The following CNTNAP5 variants were observed in gnomAD, a reference collection of about 807,000 sequenced individuals.
CNTNAP5 encodes the protein contactin-associated protein-like 5.
Under a neutral mutation model 150.2 loss-of-function variants are expected in CNTNAP5, and 72 were observed. The ratio of observed to expected loss-of-function variants is 0.48; its 90% CI spans 0.40 to 0.58. CNTNAP5 has a LOEUF of 0.58. CNTNAP5 is among the 20% of genes least tolerant of loss of function. The pLI, the probability that CNTNAP5 is intolerant of heterozygous loss-of-function variation, is 0.00. For missense variants in CNTNAP5, 1,636 were observed against 1,626.2 expected (o/e 1.01, Z -0.10); for synonymous variants, 672 against 619.8 (o/e 1.08, Z -1.25).
At chr2:124,097,446 C>T (rs189388152) in intron 1 of CNTNAP5, among the ~76,000 whole-genome samples, 1 of 152,142 alleles carries the variant, frequency 6.6e-6, no homozygotes, top group Non-Finnish European at 1.5e-5. Flanking sequence ...CAAAGTGAAA[C>T]AGTATGCATA....
intron 14 of CNTNAP5, among the ~76,000 whole-genome samples, chr2:124,752,568 T>G (rs888819159): frequency 1.3e-5 from 2 of 152,284 alleles, no homozygotes; most frequent in Middle Eastern, 3.4e-3. Flanking sequence ...CCCGTCGGAA[T>G]TAGCTGATTT....
intron 1 of CNTNAP5, among the ~76,000 whole-genome samples, chr2:124,128,691 G>C (rs1302752780): frequency 6.6e-6 from 1 of 152,174 alleles, no homozygotes; most frequent in Non-Finnish European, 1.5e-5. Context: ...ACTGGATTAA[G>C]AAAATGTGTC....
chr2:124,554,365 T>A (rs1352893789), intron 10 of CNTNAP5, among the ~76,000 whole-genome samples: 1 of 152,012 alleles, frequency 6.6e-6, no homozygotes, highest in African/African-American at 2.4e-5. Flanking sequence ...CTTTCTTAGG[T>A]TTTTTACTAA....
At chr2:124,264,108 T>G (rs1041188389) in intron 3 of CNTNAP5, among the ~76,000 whole-genome samples, 8 of 152,054 alleles carry the variant, frequency 5.3e-5, no homozygotes, top group African/African-American at 1.7e-4. Context: ...AAGAGAATGT[T>G]TTCAATCCCT....
chr2:124,838,640 A>T (rs925677594), intron 19 of CNTNAP5, among the ~76,000 whole-genome samples: 6 of 151,822 alleles, frequency 4.0e-5, no homozygotes, highest in Admixed American at 1.3e-4. Flanking sequence ...GTCTACACAA[A>T]CCCCCTATTC....
chr2:124,566,130 A>G (rs922108675), intron 11 of CNTNAP5, among the ~76,000 whole-genome samples: 4 of 136,116 alleles, frequency 2.9e-5, no homozygotes, highest in African/African-American at 9.9e-5. Context: ...CTATAGAGAA[A>G]TGTTGCAGGA....
At chr2:124,610,003 C>T in intron 12 of CNTNAP5, 83 bp downstream of exon 12, 1 of 1,442,632 alleles carries the variant, frequency 6.9e-7, no homozygotes, top group South Asian at 1.4e-5. Flanking sequence ...AGGGGGATAC[C>T]TACGTGAATA....
chr2:124,911,006 A>G (rs1349369469), intron 22 of CNTNAP5, among the ~76,000 whole-genome samples: 1 of 151,882 alleles, frequency 6.6e-6, no homozygotes, highest in Non-Finnish European at 1.5e-5. Context: ...ACACAGTACA[A>G]TTTCTCTCTC....
intron 17 of CNTNAP5, among the ~76,000 whole-genome samples, chr2:124,775,811 G>A (rs1026544390): frequency 8.5e-5 from 13 of 152,152 alleles, no homozygotes; most frequent in Admixed American, 3.3e-4. Context: ...AGCTGCAAGC[G>A]TGTGGCATTC....
intron 19 of CNTNAP5, among the ~76,000 whole-genome samples, chr2:124,843,479 A>G (rs1040950910): frequency 9.2e-5 from 14 of 152,142 alleles, no homozygotes; most frequent in Admixed American, 7.2e-4. Context: ...ATAAACATGC[A>G]TGTGCAAGTA....
At chr2:124,707,928 T>C (rs1679726386) in intron 13 of CNTNAP5, among the ~76,000 whole-genome samples, 2 of 152,148 alleles carry the variant, frequency 1.3e-5, no homozygotes, top group African/African-American at 4.8e-5. Context: ...CAAGCAATGC[T>C]TCCAGGATAA....
chr2:124,468,714 T>A (rs1693437043), intron 6 of CNTNAP5, among the ~76,000 whole-genome samples: 1 of 152,160 alleles, frequency 6.6e-6, no homozygotes, highest in Non-Finnish European at 1.5e-5. Context: ...TCACTTGGAC[T>A]CTCCCAGACC....
Position 124,860,057 on chromosome 2 carries a change from A to T in CNTNAP5, c.3218-5249A>T, listed in dbSNP as rs547651416. On this transcript the variant is annotated intron_variant, in intron 19 of 23. Coordinates refer to ENST00000682447, the MANE Select transcript of CNTNAP5 (RefSeq NM_001367498.1). ...CATGTATCCTAGAACTTAAAGTATAAAAAAAAAAAATAGGCCTGGTGTGGT... is the reference window on the plus strand; with the variant it reads ...CATGTATCCTAGAACTTAAAGTATATAAAAAAAAAATAGGCCTGGTGTGGT... 1.1e-3 allele frequency among the ~76,000 whole-genome samples: 161 copies of T among 148,252 alleles called. 1 individual carries two copies. Among genetic ancestry groups the T allele is most frequent in the African/African-American group, 3.7e-3 (151 of 40,694 alleles).
intron 10 of CNTNAP5, among the ~76,000 whole-genome samples, chr2:124,543,775 G>C (rs895713855): frequency 1.3e-5 from 2 of 152,076 alleles, no homozygotes; most frequent in African/African-American, 4.8e-5. Flanking sequence ...CAAATGTAGA[G>C]AGTTGCTTCC....
intron 13 of CNTNAP5, among the ~76,000 whole-genome samples, chr2:124,683,524 T>G (rs1481870736): frequency 6.6e-6 from 1 of 152,164 alleles, no homozygotes; most frequent in African/African-American, 2.4e-5. Context: ...TAGTCTTTTG[T>G]CTCTTACCTG....
At chr2:124,668,947 A>G (rs1336310016) in intron 13 of CNTNAP5, among the ~76,000 whole-genome samples, 2 of 151,948 alleles carry the variant, frequency 1.3e-5, no homozygotes, top group Non-Finnish European at 1.5e-5. Flanking sequence ...AGCCTTACTC[A>G]CTCACTCCTC....
chr2:124,256,813 T>G (rs1295458430), intron 3 of CNTNAP5, among the ~76,000 whole-genome samples: 1 of 152,174 alleles, frequency 6.6e-6, no homozygotes, highest in African/African-American at 2.4e-5. Context: ...CAAATAGACT[T>G]GATGTGGTAG....
At chr2:124,630,226 A>T (rs529389892) in intron 12 of CNTNAP5, among the ~76,000 whole-genome samples, 13 of 152,324 alleles carry the variant, frequency 8.5e-5, no homozygotes, top group South Asian at 4.1e-4. Flanking sequence ...TCATTTTATG[A>T]CACCAGCATA....
chr2:124,577,078 AG>A (rs1696299525), intron 11 of CNTNAP5, among the ~76,000 whole-genome samples: 1 of 152,192 alleles, frequency 6.6e-6, no homozygotes, highest in South Asian at 2.1e-4. Flanking sequence ...AGTAGCTATA[AG>A]ATTTATTTCT....
Sources: allele counts gnomAD v4.1 joint callset (sites outside exome capture counted in the v4.1 genomes callset), GRCh38; gene constraint gnomAD v4.1.1; transcripts MANE v1.5; gene names NCBI Gene and HGNC (gene_info 2026-07-23, HGNC 2026-07-21).